Variants in RBFOX1 observed in about 807,000 individuals in gnomAD.
RBFOX1 encodes the protein RNA binding protein fox-1 homolog 1.
A neutral mutation model predicts 57.7 loss-of-function variants in RBFOX1; 8 were observed. That is an observed-to-expected ratio of 0.14 (90% CI 0.08 to 0.25). RBFOX1 has a LOEUF of 0.25. RBFOX1 is among the 10% of genes least tolerant of loss of function. The pLI is 1.00. For missense variants in RBFOX1, 611 were observed against 548.5 expected, an observed-to-expected ratio of 1.11 and a Z score of -1.14; for synonymous variants, 326 against 222.4, an observed-to-expected ratio of 1.47 and a Z score of -4.15.
At chr16:7,188,297 A>T (rs9929440) in intron 4 of RBFOX1, among the ~76,000 whole-genome samples, 1 of 152,186 alleles carries the variant, frequency 6.6e-6, no homozygotes, top group South Asian at 2.1e-4. Flanking sequence ...GTTAAAATGA[A>T]GAAACTGTTG....
At chr16:7,290,022 G>A (rs1400204718) in intron 4 of RBFOX1, among the ~76,000 whole-genome samples, 2 of 152,146 alleles carry the variant, frequency 1.3e-5, no homozygotes, top group Non-Finnish European at 2.9e-5. Flanking sequence ...TCATAGGAGA[G>A]TAAACCTATA....
At chr16:6,862,836 T>G (rs1174390896) in intron 3 of RBFOX1, among the ~76,000 whole-genome samples, 1 of 151,940 alleles carries the variant, frequency 6.6e-6, no homozygotes, top group Non-Finnish European at 1.5e-5. Flanking sequence ...AATACAAAAA[T>G]TAGCCAGTCA....
intron 1 of RBFOX1, among the ~76,000 whole-genome samples, chr16:5,265,905 A>G (rs1370953936): frequency 1.3e-5 from 2 of 152,160 alleles, no homozygotes; most frequent in Admixed American, 1.3e-4. Flanking sequence ...GTGGGTGTGT[A>G]CAAAATTCCC....
At chr16:6,822,265 C>T (rs982411289) in intron 3 of RBFOX1, among the ~76,000 whole-genome samples, 1 of 152,134 alleles carries the variant, frequency 6.6e-6, no homozygotes, top group Non-Finnish European at 1.5e-5. Context: ...TCAGTAGTCC[C>T]ACTTTCTGCC....
chr16:6,871,769 T>C (rs918780254), intron 3 of RBFOX1, among the ~76,000 whole-genome samples: 3 of 152,184 alleles, frequency 2.0e-5, no homozygotes, highest in African/African-American at 7.2e-5. Flanking sequence ...ATTTCTACTC[T>C]ACCTTCCGCT....
At chr16:7,053,027 A>G (rs1006038794) in intron 4 of RBFOX1, among the ~76,000 whole-genome samples, 2 of 152,188 alleles carry the variant, frequency 1.3e-5, no homozygotes, top group African/African-American at 4.8e-5. Context: ...AAGGTGTCTA[A>G]TAAATAAGCA....
At chr16:7,200,365 A>C (rs1406329560) in intron 4 of RBFOX1, among the ~76,000 whole-genome samples, 3 of 152,236 alleles carry the variant, frequency 2.0e-5, no homozygotes, top group Admixed American at 2.0e-4. Flanking sequence ...GACAGGAAGC[A>C]CGCATGTGCA....
At chr16:6,316,437 A>C (rs2081131840) in intron 1 of RBFOX1, among the ~76,000 whole-genome samples, 1 of 152,236 alleles carries the variant, frequency 6.6e-6, no homozygotes, top group Non-Finnish European at 1.5e-5. Flanking sequence ...TTGCAAAATT[A>C]AATCATTTCC....
chr16:7,483,007 A>G (rs1178126591), intron 4 of RBFOX1, among the ~76,000 whole-genome samples: 1 of 152,124 alleles, frequency 6.6e-6, no homozygotes, highest in Non-Finnish European at 1.5e-5. Context: ...TGATTTTCCC[A>G]GGTCATGAAC....
chr16:6,900,805 C>G (rs193087626), intron 3 of RBFOX1, among the ~76,000 whole-genome samples: 5 of 152,262 alleles, frequency 3.3e-5, no homozygotes, highest in East Asian at 1.9e-4. Context: ...AATGCCATTC[C>G]TAATATTCCA....
At chr16:7,151,511 C>G (rs2076102251) in intron 4 of RBFOX1, among the ~76,000 whole-genome samples, 1 of 152,128 alleles carries the variant, frequency 6.6e-6, no homozygotes. Flanking sequence ...CACAGGGCTA[C>G]TTGTAGCCTC....
intron 10 of RBFOX1, among the ~76,000 whole-genome samples, chr16:7,629,677 T>C (rs1234784141): frequency 6.6e-6 from 1 of 152,038 alleles, no homozygotes; most frequent in Non-Finnish European, 1.5e-5. Context: ...ATCCCTGGAG[T>C]GGGTGGTTGT....
intron 1 of RBFOX1, among the ~76,000 whole-genome samples, chr16:6,021,753 G>C (rs1240348765): frequency 6.6e-6 from 1 of 152,218 alleles, no homozygotes; most frequent in Admixed American, 6.5e-5. Context: ...CCAGCTGTGT[G>C]ACCTTGGGCA....
intron 1 of RBFOX1, among the ~76,000 whole-genome samples, chr16:6,245,221 A>T (rs577692518): frequency 1.3e-5 from 2 of 152,328 alleles, no homozygotes; most frequent in South Asian, 2.1e-4. Context: ...ATGTGGGTTC[A>T]TGAATATAAG....
chr16:7,384,469 G>A (rs1476926202), intron 4 of RBFOX1, among the ~76,000 whole-genome samples: 1 of 152,156 alleles, frequency 6.6e-6, no homozygotes, highest in Non-Finnish European at 1.5e-5. Context: ...GCTGCTTATT[G>A]CAGTGGGTTT....
At chr16:5,885,877 G>C (rs1051606939) in intron 4 of RBFOX1, among the ~76,000 whole-genome samples, 1 of 152,108 alleles carries the variant, frequency 6.6e-6, no homozygotes, top group Non-Finnish European at 1.5e-5. Context: ...TTGGCTCTGT[G>C]ACCCCACCCA....
At chr16:6,762,145 T>G (rs995825229) in intron 3 of RBFOX1, among the ~76,000 whole-genome samples, 6 of 152,138 alleles carry the variant, frequency 3.9e-5, no homozygotes, top group Non-Finnish European at 7.3e-5. Flanking sequence ...CTCTGTCTTC[T>G]CCTCTGTAAA....
chr16:6,478,400 TATATATATATATATATATATATATA>T (rs1425334740), intron 2 of RBFOX1, among the ~76,000 whole-genome samples: 11 of 13,850 alleles, frequency 7.9e-4, no homozygotes, highest in Admixed American at 3.1e-3. Context: ...TATATATATA[TATATATATATATATATATATATATA>T]TATATTTTTT....
chr16:7,108,453 T>G (rs996808337), intron 4 of RBFOX1, among the ~76,000 whole-genome samples: 3 of 152,194 alleles, frequency 2.0e-5, no homozygotes, highest in African/African-American at 7.2e-5. Context: ...ATACAATTGA[T>G]TCATCCATTC....
Sources: allele counts gnomAD v4.1 joint callset (sites outside exome capture counted in the v4.1 genomes callset), GRCh38; gene constraint gnomAD v4.1.1; transcripts MANE v1.5; gene names NCBI Gene and HGNC (gene_info 2026-07-23, HGNC 2026-07-21).